LRMDA: variants seen among roughly 807,000 people sequenced by gnomAD.
LRMDA encodes the protein leucine-rich melanocyte differentiation-associated protein.
Under a neutral mutation model 29.8 loss-of-function variants are expected in LRMDA, and 18 were observed. The observed-to-expected ratio is 0.60, with a 90% confidence interval of 0.42 to 0.90. The LOEUF (loss-of-function observed/expected upper bound fraction) is 0.90. LRMDA is among the 40% of genes least tolerant of loss of function. The pLI is 0.00. For synonymous variants in LRMDA, 125 were observed against 109.4 expected (o/e 1.14, Z -0.89); for missense variants, 273 against 273.9 (o/e 1.00, Z 0.02).
At chr10:76,309,709 G>A (rs1840605893) in intron 5 of LRMDA, among the ~76,000 whole-genome samples, 1 of 152,110 alleles carries the variant, frequency 6.6e-6, no homozygotes, top group African/African-American at 2.4e-5. Flanking sequence ...GGGTCAGACT[G>A]GATTTGAGGT....
chr10:75,508,607 G>A (rs1845193276), intron 2 of LRMDA, among the ~76,000 whole-genome samples: 2 of 152,186 alleles, frequency 1.3e-5, no homozygotes, highest in Non-Finnish European at 2.9e-5. Flanking sequence ...CAAGATGATT[G>A]ATAATCTAAG....
At chr10:76,312,783 G>A (rs559414915) in intron 5 of LRMDA, among the ~76,000 whole-genome samples, 7 of 151,532 alleles carry the variant, frequency 4.6e-5, no homozygotes, top group South Asian at 2.1e-4. Flanking sequence ...GTGCTCTTCT[G>A]CTTGACAAGT....
At chr10:75,803,769 A>G (rs1212914567) in intron 2 of LRMDA, among the ~76,000 whole-genome samples, 1 of 152,218 alleles carries the variant, frequency 6.6e-6, no homozygotes, top group Non-Finnish European at 1.5e-5. Flanking sequence ...CTGTCTTTTC[A>G]GGAGCATGGA....
intron 2 of LRMDA, among the ~76,000 whole-genome samples, chr10:75,856,779 G>T (rs1844834794): frequency 6.6e-6 from 1 of 152,158 alleles, no homozygotes; most frequent in Non-Finnish European, 1.5e-5. Flanking sequence ...CACAAGACAG[G>T]GATGCCCTCT....
At chr10:75,857,556 G>T (rs917626317) in intron 2 of LRMDA, among the ~76,000 whole-genome samples, 4 of 152,228 alleles carry the variant, frequency 2.6e-5, no homozygotes, top group Admixed American at 2.0e-4. Flanking sequence ...GGAGCAGGAG[G>T]CTTGCCAGAG....
In LRMDA at chr10:76,226,561, C is replaced by T. The variant is rs553389144; in HGVS notation, c.517-97840C>T. 4.6e-5 allele frequency among the ~76,000 whole-genome samples: 7 copies of T among 152,090 alleles called. No homozygotes were observed. In the South Asian group the frequency reaches 1.0e-3, roughly 23 times the overall value. ...TCACGCCATTGCACTCCAGCCTTGGCGACAAGAGCAAAACTCCATCTGCAA... is the reference window on the plus strand; with the variant it reads ...TCACGCCATTGCACTCCAGCCTTGGTGACAAGAGCAAAACTCCATCTGCAA... On this transcript the variant is annotated intron_variant, in intron 5 of 6. Transcript: ENST00000611255.
At chr10:76,203,119 T>G (rs559008571) in intron 5 of LRMDA, among the ~76,000 whole-genome samples, 1 of 152,332 alleles carries the variant, frequency 6.6e-6, no homozygotes, top group Non-Finnish European at 1.5e-5. Flanking sequence ...GCATGAGTAC[T>G]TTTTGTGGAG....
intron 2 of LRMDA, among the ~76,000 whole-genome samples, chr10:75,479,003 ATC>A (rs1844827195): frequency 6.6e-6 from 1 of 152,016 alleles, no homozygotes; most frequent in Non-Finnish European, 1.5e-5. Context: ...GCTTCATTTA[ATC>A]TCTCTCTTGG....
At chr10:75,525,225 C>T (rs1845400211) in intron 2 of LRMDA, among the ~76,000 whole-genome samples, 1 of 152,106 alleles carries the variant, frequency 6.6e-6, no homozygotes. Context: ...AGGCCTTTGG[C>T]GGTTATTTGC....
rs76989332 is a variant in LRMDA at position 75,847,541 on chromosome 10, G to C, written c.132-188467G>C. On this transcript the variant is annotated intron_variant, in intron 2 of 6. Coordinates refer to ENST00000611255, the MANE Select transcript of LRMDA (RefSeq NM_001305581.2). ...CCAACTTAAAAACTTCACATCAAAG[G>C]AACAATTAACAGAACAAAATGGCAG... 8.2e-4 allele frequency among the ~76,000 whole-genome samples: 125 copies of C among 152,154 alleles called. 1 individual carries two copies. The highest frequency in any genetic ancestry group is 2.9e-3 in the African/African-American group (121 of 41,520).
At chr10:75,665,140 T>C (rs1841806106) in intron 2 of LRMDA, among the ~76,000 whole-genome samples, 1 of 152,248 alleles carries the variant, frequency 6.6e-6, no homozygotes, top group African/African-American at 2.4e-5. Context: ...CTGCAGATTT[T>C]TATCTGGCAC....
chr10:76,322,169 T>C (rs2132395271), intron 5 of LRMDA, among the ~76,000 whole-genome samples: 1 of 152,356 alleles, frequency 6.6e-6, no homozygotes, highest in Non-Finnish European at 1.5e-5. Context: ...AGATACAGTA[T>C]AAATTTAAGA....
chr10:75,521,831 G>A (rs567080756), intron 2 of LRMDA, among the ~76,000 whole-genome samples: 10 of 152,242 alleles, frequency 6.6e-5, no homozygotes, highest in African/African-American at 2.4e-4. Flanking sequence ...GTTCCTATTC[G>A]GCCATCCATT....
intron 2 of LRMDA, among the ~76,000 whole-genome samples, chr10:75,760,982 T>C (rs1843087744): frequency 6.6e-6 from 1 of 152,188 alleles, no homozygotes; most frequent in African/African-American, 2.4e-5. Context: ...TTTTGTATTA[T>C]AAAAAATATT....
intron 2 of LRMDA, among the ~76,000 whole-genome samples, chr10:75,548,020 T>C (rs1052861958): frequency 2.6e-5 from 4 of 152,226 alleles, no homozygotes; most frequent in Non-Finnish European, 4.4e-5. Context: ...TGTAAGGCTT[T>C]TCATATTTAT....
chr10:76,349,056 G>A (rs1841143341), intron 6 of LRMDA, among the ~76,000 whole-genome samples: 1 of 152,116 alleles, frequency 6.6e-6, no homozygotes. Context: ...ATAACTCCCA[G>A]GTTTTTCTGG....
At chr10:75,568,810 A>C (rs1840402975) in intron 2 of LRMDA, among the ~76,000 whole-genome samples, 1 of 152,242 alleles carries the variant, frequency 6.6e-6, no homozygotes, top group African/African-American at 2.4e-5. Context: ...TTGGCCTGGA[A>C]GCAGCAGAAA....
chr10:75,687,404 C>G (rs995921949), intron 2 of LRMDA, among the ~76,000 whole-genome samples: 1 of 152,148 alleles, frequency 6.6e-6, no homozygotes, highest in Non-Finnish European at 1.5e-5. Flanking sequence ...GGTAGAAGAT[C>G]GAGCCAGCCA....
chr10:75,846,313 G>C (rs1449528952), intron 2 of LRMDA, among the ~76,000 whole-genome samples: 1 of 151,922 alleles, frequency 6.6e-6, no homozygotes, highest in Non-Finnish European at 1.5e-5. Context: ...TAAAGGGAAA[G>C]AAGGACTTGT....
Sources: allele counts gnomAD v4.1 joint callset (sites outside exome capture counted in the v4.1 genomes callset), GRCh38; gene constraint gnomAD v4.1.1; transcripts MANE v1.5; gene names NCBI Gene and HGNC (gene_info 2026-07-23, HGNC 2026-07-21).